ANKS1B: variants seen among roughly 807,000 people sequenced by gnomAD.
The protein encoded by ANKS1B is ankyrin repeat and sterile alpha motif domain containing 1B, also known as ankyrin repeat and sterile alpha motif domain-containing protein 1B.
ANKS1B carries 36 observed loss-of-function variants against 148.3 expected under a neutral mutation model. That is an observed-to-expected ratio of 0.24 (90% CI 0.19 to 0.32). The LOEUF is 0.32. ANKS1B is among the 10% of genes least tolerant of loss of function. The pLI, the probability that ANKS1B is intolerant of heterozygous loss-of-function variation, is 1.00. For synonymous variants in ANKS1B, 542 were observed against 560.8 expected (o/e 0.97, Z 0.47); for missense variants, 1,157 against 1,542.6 (o/e 0.75, Z 4.19).
chr12:99,863,829 T>C (rs1457552806), intron 1 of ANKS1B, among the ~76,000 whole-genome samples: 1 of 152,068 alleles, frequency 6.6e-6, no homozygotes, highest in African/African-American at 2.4e-5. Flanking sequence ...CCCAGCACTT[T>C]GGGATGCCGA....
rs774343024 is a variant in ANKS1B at position 99,655,109 on chromosome 12, C to T, written c.1230G>A (p.Pro410=). ...AGCCAAGGTTCCTACATCCATTACA[C>T]GGAGTTAATGCTTCCCAAAGTCCTG... The part of the protein sequence containing the change: ...GPSGLWEALT[P]CNGCRNLGFP... Residue 410 remains proline (P), a synonymous_variant, in exon 9 of 27, where the codon CCG becomes CCA. Coordinates refer to ENST00000683438, the MANE Select transcript of ANKS1B (RefSeq NM_001352186.2). 2.2e-5 allele frequency: 35 copies of T among 1,610,152 alleles called. No individual in the cohort carries two copies. In the East Asian group the frequency reaches 2.2e-4, roughly 10 times the overall value.
chr12:99,688,482 A>G (rs897943395), intron 8 of ANKS1B, among the ~76,000 whole-genome samples: 1 of 152,244 alleles, frequency 6.6e-6, no homozygotes, highest in Non-Finnish European at 1.5e-5. Flanking sequence ...TGGAAAGGAT[A>G]TTCCCAAAAT....
chr12:99,012,779 T>G (rs1351943862), intron 17 of ANKS1B, among the ~76,000 whole-genome samples: 1 of 152,190 alleles, frequency 6.6e-6, no homozygotes, highest in Non-Finnish European at 1.5e-5. Flanking sequence ...TTAAAAAAAT[T>G]CAGAAGATAC....
intron 4 of ANKS1B, among the ~76,000 whole-genome samples, chr12:99,794,495 TCTTGGAGTA>T (rs1187350537): frequency 6.6e-5 from 4 of 60,190 alleles, no homozygotes; most frequent in African/African-American, 1.3e-4. Context: ...ACACACATTT[TCTTGGAGTA>T]CTATACAGCC....
intron 12 of ANKS1B, among the ~76,000 whole-genome samples, chr12:99,250,704 C>CG (rs59543777): frequency 5.4e-5 from 5 of 92,464 alleles, no homozygotes; most frequent in Non-Finnish European, 8.8e-5. Context: ...AAAATATAAA[C>CG]TATATCCCAA....
At chr12:99,831,387 T>A (rs1229698824) in intron 1 of ANKS1B, among the ~76,000 whole-genome samples, 4 of 152,174 alleles carry the variant, frequency 2.6e-5, no homozygotes, top group Middle Eastern at 3.2e-3. Context: ...AATTTGACAT[T>A]ACATGTTTAA....
At chr12:99,381,729 A>AG (rs1343405906) in intron 12 of ANKS1B, among the ~76,000 whole-genome samples, 7 of 152,150 alleles carry the variant, frequency 4.6e-5, no homozygotes, top group Admixed American at 3.9e-4. Flanking sequence ...AGCTCTTTCC[A>AG]GGGGATTGAA....
At chr12:99,872,921 A>G (rs2091688868) in intron 1 of ANKS1B, among the ~76,000 whole-genome samples, 2 of 152,138 alleles carry the variant, frequency 1.3e-5, no homozygotes, top group Admixed American at 6.5e-5. Context: ...CATTATAAAA[A>G]GAAGTTTTGT....
At chr12:98,856,873 T>A (rs1251439033) in intron 17 of ANKS1B, among the ~76,000 whole-genome samples, 1 of 152,110 alleles carries the variant, frequency 6.6e-6, no homozygotes, top group Non-Finnish European at 1.5e-5. Flanking sequence ...AATGACAGGG[T>A]ATGACATGAG....
At chr12:98,792,012 A>C (rs996467103) in intron 22 of ANKS1B, among the ~76,000 whole-genome samples, 2 of 152,242 alleles carry the variant, frequency 1.3e-5, no homozygotes, top group Non-Finnish European at 2.9e-5. Flanking sequence ...TTAATACTTC[A>C]ACTAGGGCAT....
At chr12:98,811,853 G>A (rs1214935077) in intron 19 of ANKS1B, among the ~76,000 whole-genome samples, 2 of 152,014 alleles carry the variant, frequency 1.3e-5, no homozygotes, top group African/African-American at 4.8e-5. Flanking sequence ...TTAGCATCCT[G>A]GGAATAGATC....
chr12:99,372,942 T>G (rs567426493), intron 12 of ANKS1B, among the ~76,000 whole-genome samples: 61 of 152,258 alleles, frequency 4.0e-4, no homozygotes, highest in African/African-American at 1.4e-3. Context: ...CCCTAATTTC[T>G]GGAATGATAT....
At chr12:99,317,379 T>C (rs367938788) in intron 12 of ANKS1B, among the ~76,000 whole-genome samples, 3 of 152,182 alleles carry the variant, frequency 2.0e-5, no homozygotes, top group Non-Finnish European at 2.9e-5. Context: ...AGGTCCTTCA[T>C]GTTCCTTGTA....
At chr12:98,998,445 T>A (rs2099930995) in intron 17 of ANKS1B, among the ~76,000 whole-genome samples, 2 of 152,170 alleles carry the variant, frequency 1.3e-5, no homozygotes, top group Admixed American at 6.5e-5. Flanking sequence ...AACCAATGAC[T>A]GAGCATTTTA....
rs1347188800 is a variant in ANKS1B, at chr12:99,220,513, G to A, written c.2419+23829C>T. Among the ~76,000 whole-genome samples, 29 of 141,840 alleles carry A rather than the reference G, an allele frequency of 2.0e-4. 2 individuals carry two copies. Among genetic ancestry groups the A allele is most frequent in the Admixed American group, 8.0e-4 (11 of 13,722 alleles). 93.1% of individuals were successfully genotyped at this position (141,840 alleles called of 152,430 possible). ...GTTGCCCAGGCTGGAGTCCAGTGGC[G>A]TCGGCTCACTGCAAACTCCGCCTCC... On this transcript the variant is annotated intron_variant, in intron 14 of 26. Coordinates refer to ENST00000683438, the MANE Select transcript of ANKS1B (RefSeq NM_001352186.2).
intron 1 of ANKS1B, among the ~76,000 whole-genome samples, chr12:99,854,565 G>A (rs1008995525): frequency 2.6e-5 from 4 of 152,050 alleles, no homozygotes; most frequent in Admixed American, 6.6e-5. Flanking sequence ...GAAATTCATC[G>A]CAAAAAGATC....
At chr12:99,604,750 G>C (rs529366643) in intron 9 of ANKS1B, among the ~76,000 whole-genome samples, 78 of 150,884 alleles carry the variant, frequency 5.2e-4, no homozygotes, top group African/African-American at 1.7e-3. Flanking sequence ...GGGAGGTGGA[G>C]GTTGCAGTGA....
At position 99,827,898 on chromosome 12, in the gene ANKS1B, A is replaced by G. The variant is rs1032562778; in HGVS notation, c.135-2509T>C. 1.2e-4 allele frequency among the ~76,000 whole-genome samples: 19 copies of G among 152,306 alleles called. 1 individual carries two copies. In the East Asian group the frequency reaches 3.7e-3, roughly 29 times the overall value. Reference sequence around the variant, plus strand: ...CTTACCATCAAATCATACCATACAAATAACATACAAATACCATATAATCCA... The same window carrying G: ...CTTACCATCAAATCATACCATACAAGTAACATACAAATACCATATAATCCA... On this transcript the variant is annotated intron_variant, in intron 1 of 26. Coordinates refer to ENST00000683438, the MANE Select transcript of ANKS1B (RefSeq NM_001352186.2).
intron 8 of ANKS1B, among the ~76,000 whole-genome samples, chr12:99,720,656 T>C (rs551931467): frequency 6.6e-6 from 1 of 152,346 alleles, no homozygotes; most frequent in East Asian, 1.9e-4. Context: ...ATCCTCGGAA[T>C]GCTGCAAGGT....
Sources: gnomAD v4.1 joint callset for allele counts (sites outside exome capture counted in the v4.1 genomes callset) on GRCh38, gnomAD v4.1.1 for gene constraint, MANE v1.5 for transcripts, NCBI Gene and HGNC (gene_info 2026-07-23, HGNC 2026-07-21) for gene names.